HMCN2: variants seen among roughly 807,000 people sequenced by gnomAD.
The protein encoded by HMCN2 is hemicentin-2.
A neutral mutation model predicts 377.5 loss-of-function variants in HMCN2; 325 were observed. The ratio of observed to expected loss-of-function variants is 0.86; its 90% CI spans 0.79 to 0.94. The LOEUF (loss-of-function observed/expected upper bound fraction) is 0.94, where lower values mean the gene tolerates loss of function less well. HMCN2 is among the 40% of genes least tolerant of loss of function. HMCN2 has a pLI of 0.00. For missense variants in HMCN2, 4,543 were observed against 4,725.3 expected (o/e 0.96, Z 1.13); for synonymous variants, 2,007 against 2,046.8 (o/e 0.98, Z 0.53).
At chr9:130,365,471 C>T (rs145976210) in intron 41 of HMCN2, among the ~76,000 whole-genome samples, 160 bp from the exon 42 acceptor site, 4 of 152,356 alleles carry the variant, frequency 2.6e-5, no homozygotes, top group African/African-American at 7.2e-5. Flanking sequence ...GGAAACTTCC[C>T]GGTGCAGCTG....
chr9:130,357,791 C>T, intron 34 of HMCN2, 43 bp from the exon 35 acceptor site: 1 of 1,279,844 alleles, frequency 7.8e-7, no homozygotes, highest in East Asian at 5.6e-5. Context: ...CTGTACTCCT[C>T]CTGATTCTGA....
chr9:130,320,573 G>C (rs1267176436), intron 17 of HMCN2, 122 bp downstream of exon 17: 1 of 152,370 alleles, frequency 6.6e-6, no homozygotes, highest in Admixed American at 6.5e-5. Flanking sequence ...TGGAACAAAC[G>C]AATCCACAGC....
At chr9:130,429,270 G>T in intron 93 of HMCN2, 1 of 456,012 alleles carries the variant, frequency 2.2e-6, no homozygotes, top group Non-Finnish European at 3.9e-6. Context: ...CTCAGAGAGG[G>T]AGAGTTCCTT....
rs2131475348 is a variant in HMCN2 at position 130,341,107 on chromosome 9, T to G, written c.3488-4T>G. 1 of 152,604 alleles carries G rather than the reference T, an allele frequency of 6.6e-6. No homozygotes were observed. The highest frequency in any genetic ancestry group is 2.1e-4 in the South Asian group (1 of 4,824). 9.5% of individuals were successfully genotyped at this position (152,604 alleles called of 1,614,324 possible). ...ACCTTGATACCCCTCCTGTGGCCCC[T>G]CAGTCCCCCCTCAGGTGCAGCCAGG... On this transcript the variant is annotated splice_polypyrimidine_tract_variant and splice_region_variant and intron_variant, in intron 23 of 97. Transcript: ENST00000683500.
Position 130,398,717 on chromosome 9 carries a change from T to C in HMCN2, c.11483+10T>C, listed in dbSNP as rs1263264441. The C allele has an allele frequency of 7.8e-7, 1 of 1,288,220 alleles. No homozygotes were observed. Among genetic ancestry groups the C allele is most frequent in the South Asian group, 1.2e-5 (1 of 80,834 alleles). The allele number at this position is 1,288,220 out of a possible 1,614,324, so 79.8% of individuals were successfully genotyped here. ...AGCAGGGCGCCTACCGGTAACGAGC[T>C]GGACTTTGCGGTGGCTTCCTGAGAC... On this transcript the variant is annotated intron_variant, in intron 75 of 97. Transcript: ENST00000683500.
At chr9:130,327,106 A>G (rs1448874587) in intron 21 of HMCN2, among the ~76,000 whole-genome samples, 1 of 151,832 alleles carries the variant, frequency 6.6e-6, no homozygotes, top group Non-Finnish European at 1.5e-5. Flanking sequence ...GTAGGGGAGG[A>G]CTGAGTGAAA....
chr9:130,288,353 C>T (rs1331846890), intron 4 of HMCN2, among the ~76,000 whole-genome samples: 2 of 152,214 alleles, frequency 1.3e-5, no homozygotes, highest in African/African-American at 2.4e-5. Context: ...AATTGGCTAC[C>T]TCTAAGTAGG....
intron 7 of HMCN2, among the ~76,000 whole-genome samples, chr9:130,297,788 A>G (rs984169255): frequency 6.6e-6 from 1 of 152,198 alleles, no homozygotes; most frequent in Non-Finnish European, 1.5e-5. Flanking sequence ...GATAGCAGAA[A>G]GGGAAGAAGC....
At position 130,433,878 on chromosome 9, in the gene HMCN2, C is replaced by A; in HGVS notation, c.*185C>A. 1 of 551,490 alleles carries A rather than the reference C, an allele frequency of 1.8e-6. No individual in the cohort carries two copies. The highest frequency in any genetic ancestry group is 3.1e-5 in the South Asian group (1 of 32,316). 34.2% of individuals were successfully genotyped at this position (551,490 alleles called of 1,614,324 possible). On this transcript the variant is annotated 3_prime_UTR_variant, in exon 98 of 98. Coordinates refer to ENST00000683500, the MANE Select transcript of HMCN2 (RefSeq NM_001291815.2). Reference sequence around the variant, plus strand: ...ACCCCCGACAGCGAGGACCTGACCTCACAGAGGGAGGCGTCCAGGGCGGCC... The same window carrying A: ...ACCCCCGACAGCGAGGACCTGACCTAACAGAGGGAGGCGTCCAGGGCGGCC...
chr9:130,332,792 T>C (rs1372827100), intron 22 of HMCN2, among the ~76,000 whole-genome samples: 1 of 152,236 alleles, frequency 6.6e-6, no homozygotes, highest in African/African-American at 2.4e-5. Flanking sequence ...CAGACAGGGC[T>C]GGCGTCCACT....
intron 1 of HMCN2, among the ~76,000 whole-genome samples, chr9:130,271,711 C>G (rs115281761): frequency 0.015 from 2,214 of 149,126 alleles, 160 homozygotes; most frequent in African/African-American, 0.02. Flanking sequence ...AGGAGCCCTG[C>G]TTCCTGTGAT....
At chr9:130,318,243 G>C (rs1837672314) in intron 15 of HMCN2, among the ~76,000 whole-genome samples, 1 of 152,170 alleles carries the variant, frequency 6.6e-6, no homozygotes, top group African/African-American at 2.4e-5. Flanking sequence ...GGCCAGGAGG[G>C]AAATTTGATG....
chr9:130,398,407 G>A (rs777350221), intron 74 of HMCN2, 144 bp from the exon 75 acceptor site: 10 of 223,738 alleles, frequency 4.5e-5, no homozygotes, highest in African/African-American at 7.0e-5. Context: ...CTGTCTCGGG[G>A]CTTTCTCCTG....
chr9:130,417,192 C>T (rs910433081), intron 85 of HMCN2, among the ~76,000 whole-genome samples: 8 of 151,994 alleles, frequency 5.3e-5, no homozygotes, highest in African/African-American at 1.9e-4. Context: ...GGGTTACAGG[C>T]ATGAACCACC....
chr9:130,277,454 G>T (rs1554923521), intron 1 of HMCN2, among the ~76,000 whole-genome samples: 1 of 152,084 alleles, frequency 6.6e-6, no homozygotes, highest in African/African-American at 2.4e-5. Context: ...TTGCAACTGG[G>T]GTCAGACTGA....
At chr9:130,332,938 A>G (rs1328947102) in intron 22 of HMCN2, among the ~76,000 whole-genome samples, 1 of 152,028 alleles carries the variant, frequency 6.6e-6, no homozygotes, top group Non-Finnish European at 1.5e-5. Context: ...TGGATGCTTT[A>G]TAGACAGAGG....
At chr9:130,309,311 C>T (rs567997530) in intron 14 of HMCN2, among the ~76,000 whole-genome samples, 15 of 151,690 alleles carry the variant, frequency 9.9e-5, no homozygotes, top group African/African-American at 3.4e-4. Context: ...GTCAGGAGGT[C>T]GAGACCAGCC....
rs771719383 is a variant in HMCN2 at position 130,348,663 on chromosome 9, G to A, written c.4143G>A (p.Lys1381=). 3 of 1,304,288 alleles carry A rather than the reference G, an allele frequency of 2.3e-6. 1 individual carries two copies. The highest frequency in any genetic ancestry group is 2.5e-5 in the South Asian group (2 of 81,026). The allele number at this position is 1,304,288 out of a possible 1,614,324, so 80.8% of individuals were successfully genotyped here. A position where few individuals can be genotyped will look rare whatever the true frequency, so the allele number is the denominator to read the frequency against. ...CAGTCCCTGAGATCGTGTGGCTGAAGGACGCGCAGCTGGTGGGTGTCCCCC... is the reference window on the plus strand; with the variant it reads ...CAGTCCCTGAGATCGTGTGGCTGAAAGACGCGCAGCTGGTGGGTGTCCCCC... ...GFPVPEIVWL[K]DAQLIPKVGG... is the part of the protein sequence containing the mutation. The change falls in exon 27 of 98, where the codon AAG becomes AAA. Residue 1381 remains lysine (K), a synonymous_variant. Transcript: ENST00000683500.
chr9:130,351,716 G>GCTGGGGT lies in HMCN2; in HGVS notation c.4585+141_4585+147dup. 2 of 681,142 alleles carry GCTGGGGT rather than the reference G, an allele frequency of 2.9e-6. No homozygotes were observed. The highest frequency in any genetic ancestry group is 3.8e-5 in the African/African-American group (2 of 52,726). 42.2% of individuals were successfully genotyped at this position (681,142 alleles called of 1,614,324 possible). ...ATCCCTGAGTCCAAGAAAGCTGGGG[G>GCTGGGGT]CTGGGGTCGGGGTTGGGGTCAGGGT... On this transcript the variant is annotated intron_variant, in intron 30 of 97. Coordinates refer to ENST00000683500, the MANE Select transcript of HMCN2 (RefSeq NM_001291815.2). The surrounding 1 kb of genome is among the most constrained non-coding windows in gnomAD (Gnocchi z 5.4).
Sources: gnomAD v4.1 joint callset for allele counts (sites outside exome capture counted in the v4.1 genomes callset) on GRCh38, gnomAD v4.1.1 for gene constraint, Gnocchi (gnomAD v3.1) non-coding constraint, MANE v1.5 for transcripts, NCBI Gene and HGNC (gene_info 2026-07-23, HGNC 2026-07-21) for gene names.